ACYP2: variants seen among roughly 807,000 people sequenced by gnomAD.
ACYP2 encodes the protein acylphosphatase-2.
Under a neutral mutation model 11.2 loss-of-function variants are expected in ACYP2, and 12 were observed. The ratio of observed to expected loss-of-function variants is 1.08; its 90% confidence interval spans 0.69 to 1.74. ACYP2 has a LOEUF of 1.74. Ranked by LOEUF, ACYP2 falls within the 40% of genes most tolerant of loss-of-function variation. The pLI is 0.00. For missense variants in ACYP2, 134 were observed against 101.9 expected (o/e 1.31, Z -1.35); for synonymous variants, 43 against 32.2 (o/e 1.33, Z -1.13).
intron 4 of ACYP2, among the ~76,000 whole-genome samples, chr2:54,069,969 C>G (rs1676945959): frequency 6.6e-6 from 1 of 152,094 alleles, no homozygotes; most frequent in Non-Finnish European, 1.5e-5. Context: ...TGTTTTACTT[C>G]TTAAGAAAAA....
At chr2:54,006,422 C>T (rs1368256446) in intron 2 of ACYP2, among the ~76,000 whole-genome samples, 2 of 152,114 alleles carry the variant, frequency 1.3e-5, no homozygotes, top group Admixed American at 1.3e-4. Flanking sequence ...GCTGGGATTA[C>T]AGGCATGAGC....
At chr2:54,256,816 GTTTGT>G (rs577024551) in intron 6 of ACYP2, among the ~76,000 whole-genome samples, 55 of 151,238 alleles carry the variant, frequency 3.6e-4, no homozygotes, top group East Asian at 5.9e-4. Flanking sequence ...TTTTTTGTTT[GTTTGT>G]TTTGTTTTGT....
rs144373616 is a variant in ACYP2, at chr2:54,138,745, C to T, written c.401C>T (p.Ser134Phe). Residue 134 changes from serine to phenylalanine, a missense_variant, in exon 6 of 7, where the codon TCC becomes TTC. By Grantham distance (155) the Ser-to-Phe change is radical. Transcript: ENST00000607452. ...CAGGGGCCAGAAGACAAAGTCAATT[C>T]CATGTGAGTAGTAAAATTAATAACA... 1.4e-4 allele frequency: 224 copies of T among 1,606,514 alleles called. No homozygotes were observed. The highest frequency in any genetic ancestry group is 1.7e-4 in the Middle Eastern group (1 of 6,050).
At chr2:54,284,463 A>G (rs1688991856) in intron 6 of ACYP2, among the ~76,000 whole-genome samples, 1 of 151,950 alleles carries the variant, frequency 6.6e-6, no homozygotes. Flanking sequence ...TCTCATTCTT[A>G]TCCCTTATTT....
intron 2 of ACYP2, among the ~76,000 whole-genome samples, chr2:53,991,817 G>A (rs1672311780): frequency 1.3e-5 from 2 of 151,670 alleles, no homozygotes; most frequent in South Asian, 4.2e-4. Context: ...TAGCGATGAG[G>A]GCTAAGTATG....
chr2:54,203,438 A>C (rs1684939188), intron 6 of ACYP2, among the ~76,000 whole-genome samples: 1 of 152,218 alleles, frequency 6.6e-6, no homozygotes. Flanking sequence ...CTTCCTTTCT[A>C]ATATGAATGA....
intron 2 of ACYP2, among the ~76,000 whole-genome samples, chr2:54,021,979 T>TA (rs535617538): frequency 3.9e-4 from 59 of 152,034 alleles, no homozygotes; most frequent in African/African-American, 1.3e-3. Context: ...AGTAAAAAAA[T>TA]AAAAAAATGA....
chr2:54,091,702 C>T (rs749859868), intron 4 of ACYP2, among the ~76,000 whole-genome samples: 2 of 151,748 alleles, frequency 1.3e-5, no homozygotes, highest in East Asian at 1.9e-4. Context: ...GGTAGAGATG[C>T]GGTTTTGCCA....
At chr2:54,233,305 CTTTT>C (rs1213428258) in intron 6 of ACYP2, among the ~76,000 whole-genome samples, 1 of 129,214 alleles carries the variant, frequency 7.7e-6, no homozygotes, top group Non-Finnish European at 1.6e-5. Flanking sequence ...CCCTTCCAAA[CTTTT>C]TTTTTTTTTT....
chr2:54,079,362 C>T (rs1040421061), intron 4 of ACYP2, among the ~76,000 whole-genome samples: 2 of 152,190 alleles, frequency 1.3e-5, no homozygotes, highest in Non-Finnish European at 2.9e-5. Flanking sequence ...CAAACCTAAG[C>T]CAATCAGCAT....
intron 4 of ACYP2, among the ~76,000 whole-genome samples, chr2:54,108,081 G>A (rs1483490906): frequency 6.6e-6 from 1 of 152,144 alleles, no homozygotes; most frequent in African/African-American, 2.4e-5. Flanking sequence ...TGCCCCACAA[G>A]CCAGTGAACA....
intron 2 of ACYP2, among the ~76,000 whole-genome samples, chr2:54,014,135 C>T (rs1174511236): frequency 6.6e-6 from 1 of 150,482 alleles, no homozygotes; most frequent in African/African-American, 2.4e-5. Context: ...TCCAGCCTGG[C>T]AGACAAGAGC....
intron 4 of ACYP2, chr2:54,084,966 TG>T (rs1332171939): frequency 3.3e-5 from 5 of 152,206 alleles, no homozygotes; most frequent in Non-Finnish European, 7.3e-5. Context: ...ATAATGTAGG[TG>T]AATGTTCTTA....
chr2:54,142,383 A>G (rs1482928792), intron 6 of ACYP2: 1 of 152,308 alleles, frequency 6.6e-6, no homozygotes, highest in Non-Finnish European at 1.5e-5. Context: ...TTAGGATCCC[A>G]TTATTGTATT....
At chr2:54,154,730 T>C (rs1438131671) in intron 6 of ACYP2, among the ~76,000 whole-genome samples, 2 of 152,216 alleles carry the variant, frequency 1.3e-5, no homozygotes, top group African/African-American at 4.8e-5. Context: ...TGGCCTGTAA[T>C]TTTCTTTTCT....
intron 6 of ACYP2, among the ~76,000 whole-genome samples, chr2:54,178,949 A>G (rs1487354045): frequency 6.6e-6 from 1 of 152,016 alleles, no homozygotes; most frequent in Admixed American, 6.6e-5. Context: ...AAACAACAAA[A>G]ATTTACTTCT....
intron 6 of ACYP2, among the ~76,000 whole-genome samples, chr2:54,294,285 T>G (rs962795820): frequency 6.6e-6 from 1 of 152,234 alleles, no homozygotes; most frequent in Non-Finnish European, 1.5e-5. Flanking sequence ...CTGACTGACT[T>G]GAATTATTGA....
At position 54,237,460 on chromosome 2, in the gene ACYP2, A is replaced by G. The variant is rs79652904; in HGVS notation, c.405-67228A>G. Among the ~76,000 whole-genome samples, 1,175 of 152,334 alleles carry G rather than the reference A, an allele frequency of 7.7e-3. 15 individuals are homozygous for G. Among genetic ancestry groups the G allele is most frequent in the African/African-American group, 0.027 (1,131 of 41,564 alleles). On this transcript the variant is annotated intron_variant, in intron 6 of 6. Coordinates refer to ENST00000607452, the MANE Select transcript of ACYP2 (RefSeq NM_001320586.2). ...GTTGTCTTTAGGTTAGACTATCGAT[A>G]CAAATTCTCTACATGAAGTGAAAAA...
intron 6 of ACYP2, among the ~76,000 whole-genome samples, chr2:54,144,225 G>A (rs137997393): frequency 1.1e-3 from 161 of 151,970 alleles, no homozygotes; most frequent in African/African-American, 3.5e-3. Context: ...CTCCTGCCTC[G>A]GCCTCCCAAA....
Sources: gnomAD v4.1 joint callset for allele counts (sites outside exome capture counted in the v4.1 genomes callset) on GRCh38, gnomAD v4.1.1 for gene constraint, MANE v1.5 for transcripts, NCBI Gene and HGNC (gene_info 2026-07-23, HGNC 2026-07-21) for gene names.